SREBF2: variants seen among roughly 807,000 people sequenced by gnomAD.
SREBF2 encodes sterol regulatory element-binding protein 2.
Under a neutral mutation model 113.1 loss-of-function variants are expected in SREBF2, and 55 were observed. The ratio of observed to expected loss-of-function variants is 0.49; its 90% confidence interval spans 0.39 to 0.61. The LOEUF (loss-of-function observed/expected upper bound fraction) is 0.61. Ranked by LOEUF, SREBF2 falls within the 20% of genes least tolerant of loss-of-function variation. SREBF2 has a pLI of 0.00. For synonymous variants in SREBF2, 593 were observed against 605.7 expected, an observed-to-expected ratio of 0.98 and a Z score of 0.31; for missense variants, 1,349 against 1,487.4, an observed-to-expected ratio of 0.91 and a Z score of 1.53.
At chr22:41,846,519 C>T (rs1290774478) in intron 1 of SREBF2, among the ~76,000 whole-genome samples, 1 of 152,162 alleles carries the variant, frequency 6.6e-6, no homozygotes, top group Non-Finnish European at 1.5e-5. Flanking sequence ...ACAAATGGAA[C>T]AAAAGTGGCA....
chr22:41,863,497 T>A (rs2077043873), intron 1 of SREBF2, among the ~76,000 whole-genome samples: 1 of 152,284 alleles, frequency 6.6e-6, no homozygotes, highest in African/African-American at 2.4e-5. Context: ...AGTCATTTTC[T>A]TAAAGCATTT....
intron 16 of SREBF2, among the ~76,000 whole-genome samples, chr22:41,901,230 G>A (rs1434570104): frequency 6.6e-6 from 1 of 152,200 alleles, no homozygotes; most frequent in African/African-American, 2.4e-5. Context: ...TGGAGATTCA[G>A]ATTCTCAGCC....
At chr22:41,899,970 G>C in intron 15 of SREBF2, 1 of 1,202,200 alleles carries the variant, frequency 8.3e-7, no homozygotes, top group Non-Finnish European at 1.0e-6. Flanking sequence ...TCTCTGGGGG[G>C]GTGGTCCCTT....
chr22:41,838,040 C>G (rs973163531), intron 1 of SREBF2, among the ~76,000 whole-genome samples: 1 of 152,110 alleles, frequency 6.6e-6, no homozygotes, highest in Admixed American at 6.6e-5. Flanking sequence ...TAGAGTAAGT[C>G]TACCATTTCA....
At position 41,902,967 on chromosome 22, in the gene SREBF2, C is replaced by T. The variant is rs1414806515; in HGVS notation, c.2908-3C>T. 2 of 1,609,176 alleles carry T rather than the reference C, an allele frequency of 1.2e-6. No individual in the cohort carries two copies. Among genetic ancestry groups the T allele is most frequent in the African/African-American group, 1.3e-5 (1 of 74,972 alleles). The stretch of plus-strand genomic sequence containing the variant: ...CTCCCCTCTCTCGTGGCTGACCCCA[C>T]AGGTGGTCCAGCTGCTCACCTGTGA... On this transcript the variant is annotated splice_polypyrimidine_tract_variant and splice_region_variant and intron_variant, in intron 16 of 18. Coordinates refer to ENST00000361204, the MANE Select transcript of SREBF2 (RefSeq NM_004599.4).
chr22:41,871,099 A>C (rs2077136425), intron 4 of SREBF2, 64 bp downstream of exon 4: 2 of 1,606,148 alleles, frequency 1.2e-6, no homozygotes, highest in African/African-American at 1.3e-5. Flanking sequence ...GTTAGTCTTC[A>C]GAGATGTTAA....
intron 15 of SREBF2, chr22:41,899,391 TGCTGACTCCCCG>T: frequency 9.9e-7 from 1 of 1,005,538 alleles, no homozygotes; most frequent in Non-Finnish European, 1.2e-6. Flanking sequence ...CAGCCCTGCC[TGCTGACTCCCCG>T]GCTGTTTCTA....
chr22:41,863,244 G>A (rs547029038), intron 1 of SREBF2, among the ~76,000 whole-genome samples: 5 of 152,326 alleles, frequency 3.3e-5, no homozygotes, highest in Non-Finnish European at 5.9e-5. Context: ...TCTTGCCCAC[G>A]CTCACACCAC....
chr22:41,888,310 A>G (rs1245003624), intron 11 of SREBF2, among the ~76,000 whole-genome samples: 2 of 152,212 alleles, frequency 1.3e-5, no homozygotes, highest in African/African-American at 2.4e-5. Flanking sequence ...ATTAATTTTT[A>G]TAAGAGTTGG....
intron 11 of SREBF2, among the ~76,000 whole-genome samples, chr22:41,892,883 C>T (rs930442793): frequency 1.9e-4 from 29 of 152,138 alleles, no homozygotes; most frequent in Admixed American, 2.6e-4. Flanking sequence ...TGCTCCCTGC[C>T]CTCCTGCTGG....
At chr22:41,881,111 G>C in intron 10 of SREBF2, 119 bp downstream of exon 10, 2 of 1,359,252 alleles carry the variant, frequency 1.5e-6, no homozygotes, top group Non-Finnish European at 2.0e-6. Context: ...TACTCTTTTA[G>C]AGTGGCTAGA....
At chr22:41,896,435 C>G (rs763540329) in intron 13 of SREBF2, among the ~76,000 whole-genome samples, 4 of 152,160 alleles carry the variant, frequency 2.6e-5, no homozygotes, top group South Asian at 2.1e-4. Context: ...TCTTGGCTCA[C>G]TGCAACCTCT....
chr22:41,856,310 G>A (rs2076977409), intron 1 of SREBF2, among the ~76,000 whole-genome samples: 1 of 151,938 alleles, frequency 6.6e-6, no homozygotes, highest in Non-Finnish European at 1.5e-5. Flanking sequence ...TGTATTTTTT[G>A]TAGAGATGGA....
In SREBF2 at chr22:41,900,324, C is replaced by T; in HGVS notation, c.2739-6C>T. On this transcript the variant is annotated splice_polypyrimidine_tract_variant and splice_region_variant and intron_variant, in intron 15 of 18. Coordinates refer to ENST00000361204, the MANE Select transcript of SREBF2 (RefSeq NM_004599.4). Reference sequence around the variant, plus strand: ...CCTGCCTCTCGACTCCCTGTCACTGCTGCAGGAGCCCCCTGGTGAAGGCCA... The same window carrying T: ...CCTGCCTCTCGACTCCCTGTCACTGTTGCAGGAGCCCCCTGGTGAAGGCCA... 1.2e-6 allele frequency: 2 copies of T among 1,612,298 alleles called. No individual in the cohort carries two copies. Among genetic ancestry groups the T allele is most frequent in the Non-Finnish European group, 1.7e-6 (2 of 1,180,006 alleles).
chr22:41,851,849 G>A (rs551676802), intron 1 of SREBF2, among the ~76,000 whole-genome samples: 1 of 151,702 alleles, frequency 6.6e-6, no homozygotes, highest in Non-Finnish European at 1.5e-5. Flanking sequence ...GGCCGGGCGC[G>A]GTGGCTCACG....
Position 41,905,021 on chromosome 22 carries a change from C to T in SREBF2, c.3205+47C>T, listed in dbSNP as rs764754373. The T allele has an allele frequency of 1.2e-5, 18 of 1,511,096 alleles. No individual in the cohort carries two copies. The East Asian group carries it at 4.3e-4, about 36-fold the overall frequency. 93.6% of individuals were successfully genotyped at this position (1,511,096 alleles called of 1,614,324 possible). On this transcript the variant is annotated intron_variant, in intron 18 of 18. Coordinates refer to ENST00000361204, the MANE Select transcript of SREBF2 (RefSeq NM_004599.4). ...TCACAGGCTGGGCCAGGCCCTGCGC[C>T]CTAGGAAGAGAGGAGAAGAGGGGCC...
chr22:41,887,349 C>T (rs2077309014), intron 11 of SREBF2, among the ~76,000 whole-genome samples: 1 of 152,206 alleles, frequency 6.6e-6, no homozygotes, highest in African/African-American at 2.4e-5. Context: ...ACCAAGACCC[C>T]AGAAACTTCT....
At chr22:41,896,772 A>T (rs961168672) in intron 13 of SREBF2, among the ~76,000 whole-genome samples, 1 of 152,164 alleles carries the variant, frequency 6.6e-6, no homozygotes, top group Non-Finnish European at 1.5e-5. Flanking sequence ...ATGACACTGG[A>T]CTTGGGGCTT....
chr22:41,874,558 T>G (rs1022076284), intron 5 of SREBF2, among the ~76,000 whole-genome samples: 1 of 152,240 alleles, frequency 6.6e-6, no homozygotes, highest in Admixed American at 6.5e-5. Context: ...AAAATTTCAT[T>G]TTCCTTGCCT....
Sources: allele counts gnomAD v4.1 joint callset (sites outside exome capture counted in the v4.1 genomes callset), GRCh38; gene constraint gnomAD v4.1.1; transcripts MANE v1.5; gene names NCBI Gene and HGNC (gene_info 2026-07-23, HGNC 2026-07-21).